Variants in BPIFB2 observed in about 807,000 individuals in gnomAD.
The protein encoded by BPIFB2 is BPI fold-containing family B member 2.
Under a neutral mutation model 50.1 loss-of-function variants are expected in BPIFB2, and 39 were observed. The observed-to-expected ratio is 0.78, with a 90% CI of 0.60 to 1.02. The LOEUF (loss-of-function observed/expected upper bound fraction) is 1.02. BPIFB2 is among the 50% of genes least tolerant of loss of function. BPIFB2 has a pLI of 0.00. For synonymous variants in BPIFB2, 280 were observed against 256.3 expected (o/e 1.09, Z -0.88); for missense variants, 574 against 585.8 (o/e 0.98, Z 0.21).
At position 33,018,727 on chromosome 20, in the gene BPIFB2, A is replaced by C; in HGVS notation, c.760A>C (p.Met254Leu). ...AAGGCATGTGGGTACCGAGGGCTCC[A>C]TGGCCACCGTGGGCCTCTCCCAGCA... ...LPRHVGTEGS[M>L]ATVGLSQQLF... Residue 254 changes from methionine (M) to leucine (L), a missense_variant, in exon 9 of 16, where the codon ATG (methionine) becomes CTG (leucine). Transcript: ENST00000170150. 1 of 1,614,194 alleles carries C rather than the reference A, an allele frequency of 6.2e-7. No homozygotes were observed. Among genetic ancestry groups the C allele is most frequent in the Non-Finnish European group, 8.5e-7 (1 of 1,180,036 alleles).
chr20:33,015,326 G>T, intron 5 of BPIFB2, 110 bp from the exon 6 acceptor site: 2 of 923,282 alleles, frequency 2.2e-6, no homozygotes, highest in Non-Finnish European at 3.3e-6. Context: ...GGAATTGATT[G>T]GCCTCCTGGC....
At chr20:33,021,126 GGAC>G in intron 13 of BPIFB2, among the ~76,000 whole-genome samples, 152 bp from the exon 14 acceptor site, 1 of 152,190 alleles carries the variant, frequency 6.6e-6, no homozygotes, top group Non-Finnish European at 1.5e-5. Context: ...CTTGAACCCA[GGAC>G]ATGGGTGATC....
chr20:33,022,875 T>C (rs1978726516), intron 15 of BPIFB2, among the ~76,000 whole-genome samples: 1 of 152,206 alleles, frequency 6.6e-6, no homozygotes, highest in Admixed American at 6.5e-5. Flanking sequence ...TGTTCTCTGC[T>C]GGCTCCCCAG....
At chr20:33,008,749 G>A in intron 2 of BPIFB2, 66 bp downstream of exon 2, 1 of 1,317,050 alleles carries the variant, frequency 7.6e-7, no homozygotes, top group Non-Finnish European at 1.0e-6. Flanking sequence ...CTAAGTGTGT[G>A]TGCGTAGCTG....
intron 13 of BPIFB2, 22 bp from the exon 14 acceptor site, chr20:33,021,259 C>A (rs776333682): frequency 6.2e-7 from 1 of 1,613,652 alleles, no homozygotes; most frequent in South Asian, 1.1e-5. Flanking sequence ...ACGGGCCCAT[C>A]TCCCTGGCTC....
Position 33,023,413 on chromosome 20 carries a change from G to A in BPIFB2, c.*30G>A, listed in dbSNP as rs758608283. 2 of 1,609,848 alleles carry A rather than the reference G, an allele frequency of 1.2e-6. No homozygotes were observed. The highest frequency in any genetic ancestry group is 1.1e-5 in the South Asian group (1 of 90,988). On this transcript the variant is annotated 3_prime_UTR_variant, in exon 16 of 16. Transcript: ENST00000170150. ...AGACCACTGGGAGGCCTGAGAGTGG[G>A]CCAGCTCGCTGCTCAGGCGAATTTC...
rs924024857 is a variant in BPIFB2, at chr20:33,022,481, G to A, written c.1335+682G>A. ...GAAGGAACGATTGGTACACAGAGGAGCAGGGCTCTGTGGGGATTTCCCTAG... is the reference window on the plus strand; with the variant it reads ...GAAGGAACGATTGGTACACAGAGGAACAGGGCTCTGTGGGGATTTCCCTAG... On this transcript the variant is annotated intron_variant, in intron 15 of 15. Transcript: ENST00000170150. Among the ~76,000 whole-genome samples the A allele has an allele frequency of 2.6e-5, 4 of 152,210 alleles. No individual in the cohort carries two copies. In the South Asian group the frequency reaches 8.3e-4, roughly 32 times the overall value.
chr20:33,018,972 A>T, intron 9 of BPIFB2, 90 bp from the exon 10 acceptor site: 1 of 1,586,692 alleles, frequency 6.3e-7, no homozygotes. Flanking sequence ...AACGGGGGCT[A>T]TGGGGAGCGA....
Position 33,021,281 on chromosome 20 carries a change from A to G in BPIFB2, c.1195A>G (p.Thr399Ala). The G allele has an allele frequency of 6.2e-7, 1 of 1,613,972 alleles. No homozygotes were observed. The highest frequency in any genetic ancestry group is 8.5e-7 in the Non-Finnish European group (1 of 1,179,984). The change falls in exon 14 of 16, where the codon ACA becomes GCA. Residue 399 changes from threonine to alanine, a missense_variant and splice_region_variant. Thr to Ala is a moderately conservative substitution (Grantham distance 58, BLOSUM62 0). Transcript: ENST00000170150. ...CATCTCCCTGGCTCCGTGGCCACAG[A>G]CAGATCAGGTGCGCACACTGATGGG... ...VASSNVGFID[T>A]DQVRTLMGTV...
intron 5 of BPIFB2, among the ~76,000 whole-genome samples, 198 bp downstream of exon 5, chr20:33,014,154 GC>G (rs1990325968): frequency 6.6e-6 from 1 of 152,248 alleles, no homozygotes; most frequent in South Asian, 2.1e-4. Flanking sequence ...CAGCAAGTGA[GC>G]GGCCAGAGCC....
Position 33,013,972 on chromosome 20 carries a change from G to A in BPIFB2, c.455+16G>A, listed in dbSNP as rs780048692. The A allele has an allele frequency of 2.6e-5, 41 of 1,607,418 alleles. No individual in the cohort carries two copies. The highest frequency in any genetic ancestry group is 2.8e-5 in the Non-Finnish European group (33 of 1,175,034). ...GCAGTAACAGGTGGGTGCCTGGTGA[G>A]GGCAGGGTCACAGGAATCCCAGATG... On this transcript the variant is annotated intron_variant, in intron 5 of 15. Coordinates refer to ENST00000170150, the MANE Select transcript of BPIFB2 (RefSeq NM_025227.3).
At position 33,022,853 on chromosome 20, in the gene BPIFB2, C is replaced by T. The variant is rs569131963; in HGVS notation, c.1336-489C>T. Among the ~76,000 whole-genome samples, 13 of 152,342 alleles carry T rather than the reference C, an allele frequency of 8.5e-5. No individual in the cohort carries two copies. In the South Asian group the frequency reaches 2.3e-3, roughly 27 times the overall value. On this transcript the variant is annotated intron_variant, in intron 15 of 15. Coordinates refer to ENST00000170150, the MANE Select transcript of BPIFB2 (RefSeq NM_025227.3). The stretch of plus-strand genomic sequence containing the variant: ...GCTACGAGCTACACTGGGGCAGGAA[C>T]TGGGTCTGGCTTGTTCTCTGCTGGC...
intron 8 of BPIFB2, 142 bp from the exon 9 acceptor site, chr20:33,018,495 C>G: frequency 7.7e-7 from 1 of 1,296,854 alleles, no homozygotes; most frequent in Non-Finnish European, 1.1e-6. Flanking sequence ...GCCACACAGG[C>G]GAAAGTGTGA....
intron 6 of BPIFB2, 74 bp from the exon 7 acceptor site, chr20:33,016,968 A>G (rs1978452111): frequency 7.2e-7 from 1 of 1,383,818 alleles, no homozygotes; most frequent in South Asian, 1.2e-5. Context: ...GGGACTCTAG[A>G]CCCCTCTCAG....
intron 3 of BPIFB2, among the ~76,000 whole-genome samples, chr20:33,011,717 G>T (rs940501530): frequency 1.3e-5 from 2 of 152,202 alleles, no homozygotes; most frequent in Non-Finnish European, 2.9e-5. Context: ...AGTGGTCCAC[G>T]CCTGTAATCC....
chr20:33,013,713 G>A (rs1326752712), intron 4 of BPIFB2, 97 bp from the exon 5 acceptor site: 1 of 1,495,088 alleles, frequency 6.7e-7, no homozygotes, highest in Non-Finnish European at 8.9e-7. Flanking sequence ...GCCAAGTGGA[G>A]GGCAGGCAGG....
At chr20:33,019,821 C>A in intron 11 of BPIFB2, 71 bp downstream of exon 11, 3 of 1,449,432 alleles carry the variant, frequency 2.1e-6, no homozygotes, top group South Asian at 2.9e-5. Flanking sequence ...TCACTGTCCC[C>A]TCATCTTTGC....
Position 33,008,404 on chromosome 20 carries a change from A to C in BPIFB2, c.-34-137A>C, listed in dbSNP as rs1990238052. 5 of 561,016 alleles carry C rather than the reference A, an allele frequency of 8.9e-6. No individual in the cohort carries two copies. In the South Asian group the frequency reaches 1.1e-4, roughly 13 times the overall value. 34.8% of individuals were successfully genotyped at this position (561,016 alleles called of 1,614,324 possible). A position where few individuals can be genotyped will look rare whatever the true frequency, so the allele number is the denominator to read the frequency against. The stretch of plus-strand genomic sequence containing the variant: ...GTGATGGTTCCCAATGCAGAGATGC[A>C]AAAACTGATGTCTGTGGGCCTGGGG... On this transcript the variant is annotated intron_variant, in intron 1 of 15. Coordinates refer to ENST00000170150, the MANE Select transcript of BPIFB2 (RefSeq NM_025227.3).
At chr20:33,015,777 G>C (rs570066048) in intron 6 of BPIFB2, among the ~76,000 whole-genome samples, 3 of 152,106 alleles carry the variant, frequency 2.0e-5, no homozygotes, top group African/African-American at 7.2e-5. Flanking sequence ...TGGATGGAGT[G>C]GGGTTCATGG....
Sources: allele counts gnomAD v4.1 joint callset (sites outside exome capture counted in the v4.1 genomes callset), GRCh38; gene constraint gnomAD v4.1.1; transcripts MANE v1.5; gene names NCBI Gene and HGNC (gene_info 2026-07-23, HGNC 2026-07-21).